TMEM132B: variants seen among roughly 807,000 people sequenced by gnomAD.
The protein encoded by TMEM132B is transmembrane protein 132B.
A neutral mutation model predicts 90.8 loss-of-function variants in TMEM132B; 18 were observed. The observed-to-expected ratio is 0.20, with a 90% confidence interval of 0.14 to 0.29. TMEM132B has a LOEUF of 0.29. TMEM132B is among the 10% of genes least tolerant of loss of function. The pLI is 1.00. For synonymous variants in TMEM132B, 504 were observed against 523.3 expected, an observed-to-expected ratio of 0.96 and a Z score of 0.50; for missense variants, 1,096 against 1,326.8, an observed-to-expected ratio of 0.83 and a Z score of 2.70.
At position 125,362,324 on chromosome 12, in the gene TMEM132B, C is replaced by T. The variant is rs980002141; in HGVS notation, c.959+11981C>T. ...GTTCTCATTCTTCAATTATGCTCTCCTTGTACTTACATTTTGTTTCTTTTA... is the reference window on the plus strand; with the variant it reads ...GTTCTCATTCTTCAATTATGCTCTCTTTGTACTTACATTTTGTTTCTTTTA... On this transcript the variant is annotated intron_variant, in intron 2 of 8. Transcript: ENST00000682704. Among the ~76,000 whole-genome samples, 11 of 152,288 alleles carry T rather than the reference C, an allele frequency of 7.2e-5. No individual in the cohort carries two copies. The South Asian group carries it at 2.3e-3, about 32-fold the overall frequency.
chr12:125,542,434 C>T lies in TMEM132B; in HGVS notation c.1293+22809C>T, dbSNP rs187313784. ...ACTGTTATGCAGCCATCACTACCAT[C>T]CATCTCCAGGACTGTTTTCATCTTA... On this transcript the variant is annotated intron_variant, in intron 4 of 8. Coordinates refer to ENST00000682704, the MANE Select transcript of TMEM132B (RefSeq NM_001366854.1). Among the ~76,000 whole-genome samples, 335 of 152,312 alleles carry T rather than the reference C, an allele frequency of 2.2e-3. 2 individuals are homozygous for T. Among genetic ancestry groups the T allele is most frequent in the Non-Finnish European group, 3.0e-3 (206 of 68,028 alleles).
chr12:125,484,383 G>A (rs947915673), intron 3 of TMEM132B, among the ~76,000 whole-genome samples: 1 of 152,112 alleles, frequency 6.6e-6, no homozygotes, highest in Non-Finnish European at 1.5e-5. Context: ...CTCTTGTCAT[G>A]AGGGTTGTGG....
chr12:125,549,343 A>G (rs1884164349), intron 4 of TMEM132B, among the ~76,000 whole-genome samples: 1 of 152,238 alleles, frequency 6.6e-6, no homozygotes, highest in Non-Finnish European at 1.5e-5. Flanking sequence ...TCTAGAAAAC[A>G]GCCTCCCTTT....
At chr12:125,560,801 C>T (rs1468892865) in intron 4 of TMEM132B, among the ~76,000 whole-genome samples, 14 of 119,724 alleles carry the variant, frequency 1.2e-4, no homozygotes, top group East Asian at 2.6e-4. Context: ...GTCCGCAGTC[C>T]GGCCTGGGTG....
intron 1 of TMEM132B, among the ~76,000 whole-genome samples, chr12:125,205,411 C>T (rs894913088): frequency 3.3e-5 from 5 of 151,896 alleles, no homozygotes; most frequent in Non-Finnish European, 7.4e-5. Context: ...TGAAATATCT[C>T]GTGAATCCTT....
At chr12:125,535,273 T>A (rs1409536703) in intron 4 of TMEM132B, among the ~76,000 whole-genome samples, 1 of 152,186 alleles carries the variant, frequency 6.6e-6, no homozygotes, top group African/African-American at 2.4e-5. Context: ...GTGTTGAGAA[T>A]TTTTGACTTT....
At chr12:125,602,436 A>G (rs1454987191) in intron 5 of TMEM132B, among the ~76,000 whole-genome samples, 1 of 152,114 alleles carries the variant, frequency 6.6e-6, no homozygotes, top group African/African-American at 2.4e-5. Flanking sequence ...AAAACTCTCA[A>G]TAAACTAGGT....
At chr12:125,189,797 G>C (rs759587847) in intron 1 of TMEM132B, among the ~76,000 whole-genome samples, 2 of 152,110 alleles carry the variant, frequency 1.3e-5, no homozygotes, top group Non-Finnish European at 2.9e-5. Context: ...CTCATTTGTT[G>C]GCTGGGAGTC....
At chr12:125,391,281 A>G (rs1018001043) in intron 2 of TMEM132B, among the ~76,000 whole-genome samples, 1 of 152,186 alleles carries the variant, frequency 6.6e-6, no homozygotes, top group African/African-American at 2.4e-5. Flanking sequence ...GGATAGAGCT[A>G]TACAAATGGA....
intron 4 of TMEM132B, among the ~76,000 whole-genome samples, chr12:125,537,609 C>A (rs569539133): frequency 6.6e-6 from 1 of 152,334 alleles, no homozygotes; most frequent in Non-Finnish European, 1.5e-5. Context: ...CTGGCTGTTT[C>A]CACATGACAA....
rs368958743 is a variant in TMEM132B at position 125,476,223 on chromosome 12, T to C, written c.1107-43216T>C. Among the ~76,000 whole-genome samples, 5 of 152,316 alleles carry C rather than the reference T, an allele frequency of 3.3e-5. No homozygotes were observed. The East Asian group carries it at 9.6e-4, about 29-fold the overall frequency. The stretch of plus-strand genomic sequence containing the variant: ...TTTTAAAGTGAACAATTCAGTGGCA[T>C]TTAGTACATTTGCAGTGTCGTCCCT... On this transcript the variant is annotated intron_variant, in intron 3 of 8. Coordinates refer to ENST00000682704, the MANE Select transcript of TMEM132B (RefSeq NM_001366854.1).
At position 125,221,250 on chromosome 12, in the gene TMEM132B, C is replaced by A. The variant is rs374698745; in HGVS notation, c.67+34384C>A. 3.1e-4 allele frequency among the ~76,000 whole-genome samples: 47 copies of A among 152,326 alleles called. No individual in the cohort carries two copies. The South Asian group carries it at 5.6e-3, about 18-fold the overall frequency. On this transcript the variant is annotated intron_variant, in intron 1 of 8. Coordinates refer to ENST00000682704, the MANE Select transcript of TMEM132B (RefSeq NM_001366854.1). ...AGATATATACCCAGGACCTAGAATG[C>A]TGCCTGGCAGATAGTAGGTGCTCAG...
At chr12:125,281,833 T>C (rs868252934) in intron 1 of TMEM132B, among the ~76,000 whole-genome samples, 28 of 151,412 alleles carry the variant, frequency 1.8e-4, no homozygotes, top group East Asian at 5.8e-4. Flanking sequence ...TCGAGACCAT[T>C]CTGGCTAACA....
rs1403807366 is a variant in TMEM132B, at chr12:125,527,320, C to CCCATCCACCCATCCACCCTT, written c.1293+7726_1293+7745dup. Among the ~76,000 whole-genome samples the CCCATCCACCCATCCACCCTT allele has an allele frequency of 2.1e-4, 23 of 111,474 alleles. 1 individual carries two copies. The highest frequency in any genetic ancestry group is 9.7e-4 in the African/African-American group (22 of 22,658). 73.1% of individuals were successfully genotyped at this position (111,474 alleles called of 152,430 possible). The stretch of plus-strand genomic sequence containing the variant: ...CATCCACCCTCCACTCTTCCATCCA[C>CCCATCCACCCATCCACCCTT]CCATCCACCCATCCACCCTTCCATC... On this transcript the variant is annotated intron_variant, in intron 4 of 8. Transcript: ENST00000682704.
chr12:125,256,838 C>T (rs2136106931), intron 1 of TMEM132B, among the ~76,000 whole-genome samples: 1 of 152,318 alleles, frequency 6.6e-6, no homozygotes, highest in South Asian at 2.1e-4. Flanking sequence ...TGCGCTTCAC[C>T]TCTTCTGGGT....
intron 1 of TMEM132B, among the ~76,000 whole-genome samples, chr12:125,320,700 A>G (rs1012569988): frequency 6.6e-6 from 1 of 152,246 alleles, no homozygotes; most frequent in African/African-American, 2.4e-5. Context: ...ATGCATTTAA[A>G]TGAATCATGA....
intron 4 of TMEM132B, among the ~76,000 whole-genome samples, chr12:125,558,083 C>T (rs1047893802): frequency 1.4e-4 from 21 of 152,134 alleles, no homozygotes; most frequent in African/African-American, 4.6e-4. Context: ...TCCAATCATC[C>T]GTCCTTCGTT....
intron 1 of TMEM132B, among the ~76,000 whole-genome samples, chr12:125,187,939 C>T (rs1474593666): frequency 6.6e-6 from 1 of 152,134 alleles, no homozygotes; most frequent in Non-Finnish European, 1.5e-5. Flanking sequence ...AAAATCTCTC[C>T]CCATTTCCTT....
intron 4 of TMEM132B, among the ~76,000 whole-genome samples, chr12:125,526,705 G>A (rs990291362): frequency 1.3e-5 from 2 of 152,158 alleles, no homozygotes; most frequent in Non-Finnish European, 2.9e-5. Context: ...TAAACACACA[G>A]CTTTTGGGAG....
Sources: gnomAD v4.1 joint callset for allele counts (sites outside exome capture counted in the v4.1 genomes callset) on GRCh38, gnomAD v4.1.1 for gene constraint, MANE v1.5 for transcripts, NCBI Gene and HGNC (gene_info 2026-07-23, HGNC 2026-07-21) for gene names.